The following FBXO34 variants were observed in gnomAD, a reference collection of about 807,000 sequenced individuals.
The protein encoded by FBXO34 is F-box protein 34, also known as F-box only protein 34.
Under a neutral mutation model 24.5 loss-of-function variants are expected in FBXO34, and 12 were observed. The ratio of observed to expected loss-of-function variants is 0.49; its 90% CI spans 0.31 to 0.79. The LOEUF is 0.79. Among genes scored for constraint, FBXO34 ranks in the 30% least tolerant of loss-of-function variants. The pLI is 0.04. For synonymous variants in FBXO34, 320 were observed against 311.9 expected, an observed-to-expected ratio of 1.03 and a Z score of -0.27; for missense variants, 823 against 857.7, an observed-to-expected ratio of 0.96 and a Z score of 0.51.
At chr14:55,335,577 C>T (rs1474494525) in intron 1 of FBXO34, among the ~76,000 whole-genome samples, 2 of 152,148 alleles carry the variant, frequency 1.3e-5, no homozygotes, top group Non-Finnish European at 2.9e-5. Flanking sequence ...TTTTAGGCAA[C>T]TCATTTGACT....
intron 1 of FBXO34, among the ~76,000 whole-genome samples, chr14:55,281,071 A>G (rs1025029462): frequency 6.6e-6 from 1 of 152,146 alleles, no homozygotes; most frequent in African/African-American, 2.4e-5. Flanking sequence ...GAAATAGTTT[A>G]CAGTCTGGTG....
At chr14:55,338,405 A>G (rs1014900127) in intron 1 of FBXO34, among the ~76,000 whole-genome samples, 2 of 151,900 alleles carry the variant, frequency 1.3e-5, no homozygotes, top group Non-Finnish European at 2.9e-5. Context: ...TCCTTAAGCC[A>G]TCTCTGATTC....
intron 1 of FBXO34, among the ~76,000 whole-genome samples, chr14:55,327,264 A>G (rs532369293): frequency 2.0e-5 from 3 of 152,216 alleles, no homozygotes; most frequent in Non-Finnish European, 4.4e-5. Flanking sequence ...AAGATGTCTC[A>G]TTGGAGCAGA....
At chr14:55,341,021 G>C (rs954438534) in intron 1 of FBXO34, among the ~76,000 whole-genome samples, 1 of 152,140 alleles carries the variant, frequency 6.6e-6, no homozygotes, top group African/African-American at 2.4e-5. Flanking sequence ...AGAAAAAACT[G>C]ATACTTGTTA....
the FBXO34 span, chr14:55,397,392 C>G: frequency 6.2e-7 from 1 of 1,613,636 alleles, no homozygotes; most frequent in Non-Finnish European, 8.5e-7. Context: ...ATTCTTCTTG[C>G]TTGCTCTTAA....
At chr14:55,405,810 A>T in the FBXO34 span, among the ~76,000 whole-genome samples, 1 of 151,902 alleles carries the variant, frequency 6.6e-6, no homozygotes, top group African/African-American at 2.4e-5. Flanking sequence ...TTAAGGAAGC[A>T]TACAGTTTAA....
At chr14:55,304,823 A>G (rs1882484432) in intron 1 of FBXO34, among the ~76,000 whole-genome samples, 1 of 152,098 alleles carries the variant, frequency 6.6e-6, no homozygotes, top group African/African-American at 2.4e-5. Flanking sequence ...TTATTGTAAT[A>G]ATCTTTCTAG....
intron 1 of FBXO34, among the ~76,000 whole-genome samples, chr14:55,334,184 G>T (rs144080021): frequency 6.6e-6 from 1 of 152,044 alleles, no homozygotes; most frequent in Non-Finnish European, 1.5e-5. Context: ...CTTTTCCACC[G>T]CTCATCTCAG....
chr14:55,397,899 T>C, the FBXO34 span, among the ~76,000 whole-genome samples: 1 of 152,104 alleles, frequency 6.6e-6, no homozygotes, highest in South Asian at 2.1e-4. Context: ...AAAAAATTAC[T>C]TGTAAAAGTT....
At chr14:55,437,081 G>A in the FBXO34 span, 1 of 1,441,836 alleles carries the variant, frequency 6.9e-7, no homozygotes, top group Non-Finnish European at 9.7e-7. Flanking sequence ...TTACACAAAA[G>A]GGATGTCACT....
chr14:55,327,383 T>C (rs1052338998), intron 1 of FBXO34, among the ~76,000 whole-genome samples: 1 of 152,178 alleles, frequency 6.6e-6, no homozygotes, highest in African/African-American at 2.4e-5. Context: ...TCCCCTTTTA[T>C]AAGATCACTC....
downstream of FBXO34, among the ~76,000 whole-genome samples, chr14:55,374,237 G>A (rs1336323800): frequency 6.6e-6 from 1 of 151,812 alleles, no homozygotes; most frequent in Non-Finnish European, 1.5e-5. Flanking sequence ...AAGAGATGGG[G>A]GTCTCACTGT....
At chr14:55,306,530 A>C (rs1479390409) in intron 1 of FBXO34, among the ~76,000 whole-genome samples, 1 of 152,216 alleles carries the variant, frequency 6.6e-6, no homozygotes, top group Non-Finnish European at 1.5e-5. Flanking sequence ...TGGTCTTTCA[A>C]ACTTTTGTTT....
the FBXO34 span, among the ~76,000 whole-genome samples, chr14:55,420,887 G>A: frequency 5.9e-5 from 9 of 151,860 alleles, no homozygotes; most frequent in African/African-American, 1.9e-4. Flanking sequence ...GTGAAACCCC[G>A]TCTCTACTAA....
the FBXO34 span, chr14:55,424,269 A>T: frequency 6.4e-7 from 1 of 1,565,906 alleles, no homozygotes; most frequent in Non-Finnish European, 8.8e-7. Context: ...AAGATGTAAA[A>T]GGAAAATGTT....
chr14:55,419,216 C>T, the FBXO34 span, among the ~76,000 whole-genome samples: 75 of 152,312 alleles, frequency 4.9e-4, no homozygotes, highest in Middle Eastern at 0.01. Flanking sequence ...TGTTGCCCTG[C>T]GGCACACACA....
chr14:55,358,837 G>A (rs1455983484), intron 3 of FBXO34, among the ~76,000 whole-genome samples: 1 of 152,142 alleles, frequency 6.6e-6, no homozygotes. Flanking sequence ...AACCACTGGG[G>A]GTGGGAGCTC....
the FBXO34 span, among the ~76,000 whole-genome samples, chr14:55,388,154 C>T: frequency 6.6e-6 from 1 of 152,142 alleles, no homozygotes; most frequent in African/African-American, 2.4e-5. Flanking sequence ...ACAACAACAA[C>T]ATCTCTTTGC....
intron 3 of FBXO34, among the ~76,000 whole-genome samples, chr14:55,360,988 A>T (rs996450823): frequency 1.3e-5 from 2 of 151,776 alleles, no homozygotes; most frequent in Non-Finnish European, 2.9e-5. Context: ...ATAGAGTGAG[A>T]TCCTGTCTCA....
Sources: gnomAD v4.1 joint callset for allele counts (sites outside exome capture counted in the v4.1 genomes callset) on GRCh38, gnomAD v4.1.1 for gene constraint, MANE v1.5 for transcripts, NCBI Gene and HGNC (gene_info 2026-07-23, HGNC 2026-07-21) for gene names.